SORCS1: variants seen among roughly 807,000 people sequenced by gnomAD.
SORCS1 encodes the protein VPS10 domain-containing receptor SorCS1.
Under a neutral mutation model 146.1 loss-of-function variants are expected in SORCS1, and 60 were observed. The ratio of observed to expected loss-of-function variants is 0.41; its 90% confidence interval spans 0.33 to 0.51. The LOEUF (loss-of-function observed/expected upper bound fraction) is 0.51. SORCS1 is among the 20% of genes least tolerant of loss of function. SORCS1 has a pLI of 0.21. For synonymous variants in SORCS1, 637 were observed against 584.0 expected, an observed-to-expected ratio of 1.09 and a Z score of -1.31; for missense variants, 1,352 against 1,487.6, an observed-to-expected ratio of 0.91 and a Z score of 1.50.
At chr10:107,087,603 G>A (rs561018261) in intron 1 of SORCS1, among the ~76,000 whole-genome samples, 55 of 152,208 alleles carry the variant, frequency 3.6e-4, no homozygotes, top group African/African-American at 1.3e-3. Context: ...CCTACCACCT[G>A]GTCAATGCTC....
intron 1 of SORCS1, among the ~76,000 whole-genome samples, chr10:107,119,506 G>A (rs183833343): frequency 7.1e-4 from 108 of 152,286 alleles, no homozygotes; most frequent in African/African-American, 2.5e-3. Flanking sequence ...CTTTGAAAAT[G>A]TTACTTTGCT....
At chr10:106,642,403 T>C (rs1849131248) in intron 18 of SORCS1, among the ~76,000 whole-genome samples, 1 of 152,222 alleles carries the variant, frequency 6.6e-6, no homozygotes, top group Non-Finnish European at 1.5e-5. Flanking sequence ...TTTACAGGCA[T>C]CAGAAGCATG....
intron 2 of SORCS1, among the ~76,000 whole-genome samples, chr10:106,892,675 C>A (rs1486044100): frequency 1.3e-5 from 2 of 152,072 alleles, no homozygotes; most frequent in Non-Finnish European, 2.9e-5. Context: ...GATAGTTCAA[C>A]CCTGCCAGAG....
intron 1 of SORCS1, among the ~76,000 whole-genome samples, chr10:107,057,387 T>C (rs142044121): frequency 9.2e-4 from 140 of 152,360 alleles, no homozygotes; most frequent in African/African-American, 3.0e-3. Flanking sequence ...TAAAGCCCTG[T>C]TCTTTATATA....
chr10:106,699,984 C>A (rs767124221), intron 8 of SORCS1, among the ~76,000 whole-genome samples: 21 of 152,172 alleles, frequency 1.4e-4, no homozygotes, highest in Non-Finnish European at 1.0e-4. Context: ...AACCCCTAGC[C>A]AGTCTCCTCT....
intron 2 of SORCS1, among the ~76,000 whole-genome samples, chr10:106,924,990 C>G (rs2138472674): frequency 6.6e-6 from 1 of 152,182 alleles, no homozygotes; most frequent in African/African-American, 2.4e-5. Context: ...GAAACACATA[C>G]TTTCTAAACC....
chr10:106,973,150 C>G lies in SORCS1; in HGVS notation c.559-16570G>C, dbSNP rs573346097. On this transcript the variant is annotated intron_variant, in intron 1 of 25. Transcript: ENST00000263054. ...AGTGAAGCTTCTCAAGAATTTACAA[C>G]AAGACCATCTGTCTTCTCCTCTGCT... Among the ~76,000 whole-genome samples, 5 of 152,298 alleles carry G rather than the reference C, an allele frequency of 3.3e-5. No individual in the cohort carries two copies. The South Asian group carries it at 8.3e-4, about 25-fold the overall frequency.
At chr10:107,048,209 T>C (rs555478443) in intron 1 of SORCS1, among the ~76,000 whole-genome samples, 1 of 152,364 alleles carries the variant, frequency 6.6e-6, no homozygotes, top group South Asian at 2.1e-4. Context: ...ATTTTAGTTA[T>C]GATTAGGTAT....
chr10:106,729,759 C>T (rs1856461036), intron 6 of SORCS1, among the ~76,000 whole-genome samples: 1 of 152,030 alleles, frequency 6.6e-6, no homozygotes, highest in South Asian at 2.1e-4. Context: ...ATTATTAAGA[C>T]TATTTTGTAT....
rs115095603 is a variant in SORCS1 at position 106,782,256 on chromosome 10, A to G, written c.727-5564T>C. 6.0e-3 allele frequency among the ~76,000 whole-genome samples: 911 copies of G among 152,238 alleles called. 13 individuals are homozygous for G. Among genetic ancestry groups the G allele is most frequent in the African/African-American group, 0.021 (859 of 41,544 alleles). On this transcript the variant is annotated intron_variant, in intron 3 of 25. Transcript: ENST00000263054. ...TCCACAGACTCAGATTTTTTAACGG[A>G]AAAAAACAAGCATAAAAAACATTTT...
chr10:106,781,131 T>C (rs982349594), intron 3 of SORCS1, among the ~76,000 whole-genome samples: 7 of 152,180 alleles, frequency 4.6e-5, no homozygotes, highest in Non-Finnish European at 1.0e-4. Flanking sequence ...TCCTTCCAGT[T>C]GTCGTCTCCT....
At chr10:107,010,142 T>C (rs1163903695) in intron 1 of SORCS1, among the ~76,000 whole-genome samples, 2 of 152,242 alleles carry the variant, frequency 1.3e-5, no homozygotes, top group Admixed American at 1.3e-4. Flanking sequence ...TGTTTGTTCA[T>C]CAATATAACT....
chr10:106,644,358 T>C (rs1384669542), intron 18 of SORCS1, among the ~76,000 whole-genome samples: 1 of 151,876 alleles, frequency 6.6e-6, no homozygotes, highest in African/African-American at 2.4e-5. Context: ...TTACCATGAA[T>C]AATAATAATA....
intron 18 of SORCS1, among the ~76,000 whole-genome samples, chr10:106,641,713 T>C (rs561641260): frequency 6.6e-6 from 1 of 152,336 alleles, no homozygotes; most frequent in African/African-American, 2.4e-5. Flanking sequence ...GTGACATGAT[T>C]CTTACCTTAA....
At chr10:106,750,217 A>G (rs1324560060) in intron 5 of SORCS1, among the ~76,000 whole-genome samples, 1 of 152,056 alleles carries the variant, frequency 6.6e-6, no homozygotes, top group African/African-American at 2.4e-5. Context: ...TTCTGCCATC[A>G]TAGGAATTCT....
At chr10:106,745,342 T>C (rs552599164) in intron 5 of SORCS1, among the ~76,000 whole-genome samples, 115 of 147,430 alleles carry the variant, frequency 7.8e-4, no homozygotes, top group African/African-American at 2.7e-3. Flanking sequence ...ACCTGGGAGG[T>C]GGAGCTTGCA....
the SORCS1 span, among the ~76,000 whole-genome samples, chr10:107,176,428 T>C: frequency 6.6e-6 from 1 of 151,950 alleles, no homozygotes; most frequent in Non-Finnish European, 1.5e-5. Flanking sequence ...TTTGACCTTC[T>C]GGACTCAAGT....
At chr10:107,114,307 T>C (rs1407056077) in intron 1 of SORCS1, among the ~76,000 whole-genome samples, 1 of 152,136 alleles carries the variant, frequency 6.6e-6, no homozygotes, top group Non-Finnish European at 1.5e-5. Context: ...TAAAGCCAGG[T>C]AAGGATAATA....
chr10:107,042,412 G>C (rs17121946), intron 1 of SORCS1, among the ~76,000 whole-genome samples: 1,621 of 152,258 alleles, frequency 0.011, 15 homozygotes, highest in South Asian at 0.029. Context: ...GGAACATCTA[G>C]AATCAGGCTG....
Sources: gnomAD v4.1 joint callset for allele counts (sites outside exome capture counted in the v4.1 genomes callset) on GRCh38, gnomAD v4.1.1 for gene constraint, MANE v1.5 for transcripts, NCBI Gene and HGNC (gene_info 2026-07-23, HGNC 2026-07-21) for gene names.